Variants in DMD observed in about 807,000 individuals in gnomAD.
The protein encoded by DMD is dystrophin.
In DMD, 63 loss-of-function variants were observed where a neutral mutation model predicts 330.1. The ratio of observed to expected loss-of-function variants is 0.19; its 90% CI spans 0.16 to 0.24. The LOEUF (loss-of-function observed/expected upper bound fraction) is 0.24. DMD is among the 10% of genes least tolerant of loss of function. DMD has a pLI of 1.00. For synonymous variants in DMD, 1,223 were observed against 959.8 expected (o/e 1.27, Z -5.07); for missense variants, 3,344 against 2,684.1 (o/e 1.25, Z -5.43).
intron 34 of DMD, among the ~76,000 whole-genome samples, chrX:32,372,249 G>T (rs775106890): frequency 5.4e-5 from 6 of 111,900 alleles, no homozygotes; most frequent in Non-Finnish European, 7.5e-5. Context: ...CGTTTAAACA[G>T]ATATTTCATG....
chrX:32,700,879 C>T (rs1347177958), intron 7 of DMD, among the ~76,000 whole-genome samples: 2 of 111,680 alleles, frequency 1.8e-5, no homozygotes. Context: ...AGTAAAGTCT[C>T]AAGTCCGTTA....
chrX:32,430,876 G>A lies in DMD; in HGVS notation c.4071+7365C>T, dbSNP rs771865136. 2.4e-4 allele frequency among the ~76,000 whole-genome samples: 27 copies of A among 111,581 alleles called. No homozygotes were observed. In the South Asian group the frequency reaches 3.4e-3, roughly 14 times the overall value. On this transcript the variant is annotated intron_variant, in intron 29 of 78. Coordinates refer to ENST00000357033, the MANE Select transcript of DMD (RefSeq NM_004006.3). ...CCAGGTTTATCCATGTTGTTACAGC[G>A]AAATGGTAGGATTTGCTTATTTTTT...
At chrX:31,193,143 G>GA (rs925747032) in intron 67 of DMD, among the ~76,000 whole-genome samples, 11 of 110,789 alleles carry the variant, frequency 9.9e-5, no homozygotes, top group African/African-American at 3.3e-5. Flanking sequence ...TGGCAAAAAG[G>GA]AAAAAAAAGA....
chrX:31,960,747 G>A (rs2095295177), intron 45 of DMD, among the ~76,000 whole-genome samples: 1 of 112,019 alleles, frequency 8.9e-6, no homozygotes, highest in African/African-American at 3.2e-5. Flanking sequence ...AACTAGCCAA[G>A]TTGAAAAAAT....
chrX:33,140,889 C>T (rs769811194), intron 1 of DMD, among the ~76,000 whole-genome samples: 1 of 111,409 alleles, frequency 9.0e-6, no homozygotes, highest in African/African-American at 3.3e-5. Context: ...ATATTTACAC[C>T]AAGTTATGAT....
rs2051900966 is a variant in DMD at position 33,211,307 on chromosome X, A to C, written c.6T>G (p.Leu2=). Residue 2 remains leucine, a synonymous_variant, in exon 1 of 79, where the codon CTT becomes CTG. Coordinates refer to ENST00000357033, the MANE Select transcript of DMD (RefSeq NM_004006.3). ...AACAGTCCTCTACTTCTTCCCACCA[A>C]AGCATTTTGAAAAGTGTATATCAAG... is the stretch of plus-strand genomic sequence containing the variant. M[L]WWEEVEDCYE... is the part of the protein sequence containing the mutation. The C allele has an allele frequency of 8.3e-7, 1 of 1,207,298 alleles. No individual in the cohort carries two copies. Among genetic ancestry groups the C allele is most frequent in the African/African-American group, 1.8e-5 (1 of 56,900 alleles).
chrX:32,187,836 G>A (rs143587307), intron 44 of DMD, among the ~76,000 whole-genome samples: 186 of 110,683 alleles, frequency 1.7e-3, no homozygotes, highest in African/African-American at 5.7e-3. Context: ...TGGGAAAACG[G>A]CATAAAACAA....
chrX:31,741,013 C>G (rs1023887333), intron 51 of DMD, among the ~76,000 whole-genome samples: 1 of 111,928 alleles, frequency 8.9e-6, no homozygotes, highest in Non-Finnish European at 1.9e-5. Context: ...AGCATCATCA[C>G]CAAGAGTAGA....
At chrX:33,140,838 A>G (rs1332993937) in intron 1 of DMD, among the ~76,000 whole-genome samples, 1 of 112,176 alleles carries the variant, frequency 8.9e-6, no homozygotes, top group Non-Finnish European at 1.9e-5. Flanking sequence ...ACTTGGCAAA[A>G]ATAAACAAAC....
At chrX:31,967,589 A>T (rs754546822) in intron 45 of DMD, among the ~76,000 whole-genome samples, 1 of 111,171 alleles carries the variant, frequency 9.0e-6, no homozygotes, top group Admixed American at 9.6e-5. Context: ...GAGCTTGGCA[A>T]AAGAACGAAG....
At chrX:32,694,032 C>T (rs1412655621) in intron 9 of DMD, among the ~76,000 whole-genome samples, 1 of 111,958 alleles carries the variant, frequency 8.9e-6, no homozygotes, top group African/African-American at 3.2e-5. Flanking sequence ...GAATAATTTT[C>T]AATCATCATG....
chrX:33,169,605 G>C (rs1175695301), intron 1 of DMD, among the ~76,000 whole-genome samples: 1 of 111,640 alleles, frequency 9.0e-6, no homozygotes, highest in Non-Finnish European at 1.9e-5. Context: ...CCATCAGTTG[G>C]TTTATTTACA....
intron 12 of DMD, among the ~76,000 whole-genome samples, chrX:32,604,262 A>G (rs1460556431): frequency 9.0e-6 from 1 of 111,040 alleles, no homozygotes; most frequent in African/African-American, 3.3e-5. Flanking sequence ...AGAGCAATAT[A>G]TGTGATTCAC....
chrX:33,309,595 G>A (rs925062038), intron 1 of DMD, among the ~76,000 whole-genome samples: 1 of 110,730 alleles, frequency 9.0e-6, no homozygotes, highest in African/African-American at 3.3e-5. Flanking sequence ...CAAAGAGATA[G>A]TAAACTTTTT....
chrX:32,622,537 A>G (rs1273476386), intron 11 of DMD, among the ~76,000 whole-genome samples: 1 of 111,831 alleles, frequency 8.9e-6, no homozygotes, highest in Non-Finnish European at 1.9e-5. Context: ...TCTTGATCAT[A>G]TTTAATAGGA....
intron 7 of DMD, among the ~76,000 whole-genome samples, chrX:32,794,713 T>A (rs907424595): frequency 8.9e-6 from 1 of 112,413 alleles, no homozygotes; most frequent in Non-Finnish European, 1.9e-5. Flanking sequence ...GGCGTCCTAA[T>A]AGAAGAAATC....
At chrX:32,747,665 A>C (rs1353236536) in intron 7 of DMD, among the ~76,000 whole-genome samples, 4 of 110,128 alleles carry the variant, frequency 3.6e-5, no homozygotes, top group Non-Finnish European at 7.6e-5. Context: ...TTTTTTTTTT[A>C]AGTATTTTTT....
intron 43 of DMD, among the ~76,000 whole-genome samples, chrX:32,263,007 T>G (rs1310613793): frequency 8.9e-6 from 1 of 111,946 alleles, no homozygotes; most frequent in Non-Finnish European, 1.9e-5. Flanking sequence ...AAGCACTCAC[T>G]AAGAAACCAT....
intron 74 of DMD, among the ~76,000 whole-genome samples, chrX:31,160,365 T>G (rs1049017572): frequency 9.0e-6 from 1 of 111,504 alleles, no homozygotes; most frequent in African/African-American, 3.3e-5. Flanking sequence ...CTAGAGCATA[T>G]GAAAAGTTAC....
Sources: gnomAD v4.1 joint callset for allele counts (sites outside exome capture counted in the v4.1 genomes callset) on GRCh38, gnomAD v4.1.1 for gene constraint, MANE v1.5 for transcripts, NCBI Gene and HGNC (gene_info 2026-07-23, HGNC 2026-07-21) for gene names.